PANX3: variants seen among roughly 807,000 people sequenced by gnomAD.
PANX3 encodes pannexin-3.
PANX3 carries 18 observed loss-of-function variants against 31.5 expected under a neutral mutation model. That is an observed-to-expected ratio of 0.57 (90% CI 0.39 to 0.85). PANX3 has a LOEUF of 0.85. Ranked by LOEUF, PANX3 falls within the 40% of genes least tolerant of loss-of-function variation. The pLI, the probability that PANX3 is intolerant of heterozygous loss-of-function variation, is 0.00. For synonymous variants in PANX3, 194 were observed against 201.6 expected, an observed-to-expected ratio of 0.96 and a Z score of 0.32; for missense variants, 426 against 485.4, an observed-to-expected ratio of 0.88 and a Z score of 1.15.
chr11:124,613,200 C>A, intron 2 of PANX3, 78 bp downstream of exon 2: 1 of 1,514,528 alleles, frequency 6.6e-7, no homozygotes, highest in South Asian at 1.2e-5. Flanking sequence ...CTCCCTCTTG[C>A]CTCTATCCCC....
chr11:124,619,219 A>G, intron 3 of PANX3, 77 bp from the exon 4 acceptor site: 1 of 1,422,088 alleles, frequency 7.0e-7, no homozygotes, highest in South Asian at 1.4e-5. Context: ...CAGATCTGTT[A>G]CTTTGTCACA....
At chr11:124,619,237 CTT>C in intron 3 of PANX3, 57 bp from the exon 4 acceptor site, 1 of 1,510,700 alleles carries the variant, frequency 6.6e-7, no homozygotes. Flanking sequence ...ACATGCCTCT[CTT>C]AGAGTATGGT....
rs1035331489 is a variant in PANX3 at position 124,616,364 on chromosome 11, CT to C, written c.325-901del. On this transcript the variant is annotated intron_variant, in intron 2 of 3. Coordinates refer to ENST00000284288, the MANE Select transcript of PANX3 (RefSeq NM_052959.3). The surrounding 1 kb of genome is among the most constrained non-coding windows in gnomAD (Gnocchi z 4.8). ...TATGCATTTCTGCTTCTTTACCTGG[CT>C]TTTTTTTTAAAAAAGAAAAAAAAGA... is the stretch of plus-strand genomic sequence containing the variant. Among the ~76,000 whole-genome samples, 4 of 151,282 alleles carry C rather than the reference CT, an allele frequency of 2.6e-5. No homozygotes were observed. Among genetic ancestry groups the C allele is most frequent in the Non-Finnish European group, 4.4e-5 (3 of 67,790 alleles).
chr11:124,616,960 C>CCT lies in PANX3; in HGVS notation c.325-300_325-299dup, dbSNP rs914637054. ...CCCTTCCCCTCTCCTTCCCACCTCT[C>CCT]CTCTCTCTCTCTCTCCTTATTCTCT... On this transcript the variant is annotated intron_variant, in intron 2 of 3. Transcript: ENST00000284288. The surrounding 1 kb of genome is among the most constrained non-coding windows in gnomAD (Gnocchi z 4.8). Among the ~76,000 whole-genome samples the CCT allele has an allele frequency of 1.5e-4, 22 of 150,036 alleles. No homozygotes were observed. In the South Asian group the frequency reaches 4.1e-3, roughly 28 times the overall value.
At chr11:124,617,606 A>G in intron 3 of PANX3, 118 bp downstream of exon 3, 1 of 934,638 alleles carries the variant, frequency 1.1e-6, no homozygotes, top group East Asian at 2.4e-5. Flanking sequence ...CAAAGTGCTT[A>G]ACACATCATC....
Position 124,616,905 on chromosome 11 carries a change from A to C in PANX3, c.325-369A>C, listed in dbSNP as rs370102696. Among the ~76,000 whole-genome samples the C allele has an allele frequency of 3.3e-4, 49 of 150,132 alleles. No homozygotes were observed. The highest frequency in any genetic ancestry group is 3.4e-3 in the Middle Eastern group (1 of 290). On this transcript the variant is annotated intron_variant, in intron 2 of 3. Coordinates refer to ENST00000284288, the MANE Select transcript of PANX3 (RefSeq NM_052959.3). This position sits in a 1 kb window ranked among gnomAD's most constrained non-coding sequence, Gnocchi z 4.8. ...TCTCTCCTTTTCTCTCTCTCTCTCT[A>C]TATATCCCTCTCCTGTCCTCCCCTC...
chr11:124,619,187 A>T, intron 3 of PANX3, 109 bp from the exon 4 acceptor site: 1 of 1,200,810 alleles, frequency 8.3e-7, no homozygotes, highest in East Asian at 2.3e-5. Flanking sequence ...TTTCATGGGA[A>T]CCAAGAATGC....
chr11:124,617,517 G>T (rs764691090), intron 3 of PANX3, 29 bp downstream of exon 3: 1 of 1,600,458 alleles, frequency 6.2e-7, no homozygotes, highest in East Asian at 2.2e-5. Context: ...CTTTTTCTGA[G>T]AAATTCAGTC....
intron 3 of PANX3, among the ~76,000 whole-genome samples, chr11:124,618,231 G>A (rs926498346): frequency 6.6e-6 from 1 of 152,130 alleles, no homozygotes; most frequent in African/African-American, 2.4e-5. Context: ...GGAGACAATT[G>A]CGCTAACATT....
At position 124,620,087 on chromosome 11, in the gene PANX3, C is replaced by T; in HGVS notation, c.*152C>T. 1.2e-6 allele frequency: 1 copy of T among 861,242 alleles called. No homozygotes were observed. The highest frequency in any genetic ancestry group is 1.7e-6 in the Non-Finnish European group (1 of 582,394). The allele number at this position is 861,242 out of a possible 1,614,324, so 53.4% of individuals were successfully genotyped here. ...ATCATATATCTTTTATCATGTTATC[C>T]TAAAAGTGAGAAGACATAACCAAGA... On this transcript the variant is annotated 3_prime_UTR_variant, in exon 4 of 4. Transcript: ENST00000284288.
chr11:124,614,034 C>T (rs1415146881), intron 2 of PANX3, among the ~76,000 whole-genome samples: 2 of 152,042 alleles, frequency 1.3e-5, no homozygotes, highest in East Asian at 1.9e-4. Context: ...AGAAGACACT[C>T]GTAGCATTTT....
At position 124,616,889 on chromosome 11, in the gene PANX3, T is replaced by TTC. The variant is rs199964425; in HGVS notation, c.325-371_325-370dup. 1.6e-3 allele frequency among the ~76,000 whole-genome samples: 243 copies of TTC among 150,758 alleles called. No homozygotes were observed. Among genetic ancestry groups the TTC allele is most frequent in the African/African-American group, 5.6e-3 (231 of 41,100 alleles). On this transcript the variant is annotated intron_variant, in intron 2 of 3. Transcript: ENST00000284288. The surrounding 1 kb of genome is among the most constrained non-coding windows in gnomAD (Gnocchi z 4.8). ...TAGGCAGATGGCTCTCTCTCTCCTT[T>TTC]TCTCTCTCTCTCTCTATATATCCCT...
chr11:124,620,198 A>G lies in PANX3; in HGVS notation c.*263A>G, dbSNP rs1054032467. On this transcript the variant is annotated 3_prime_UTR_variant, in exon 4 of 4. Transcript: ENST00000284288. ...AACATTCTATGAGGATAGTATAAAT[A>G]AAAAGAAATACAGTCTAGACATGCT... 6.6e-5 allele frequency: 27 copies of G among 408,440 alleles called. No homozygotes were observed. The highest frequency in any genetic ancestry group is 3.5e-4 in the African/African-American group (17 of 48,744). The allele number at this position is 408,440 out of a possible 1,614,324, so 25.3% of individuals were successfully genotyped here.
chr11:124,616,004 A>G lies in PANX3; in HGVS notation c.325-1270A>G, dbSNP rs1863149935. On this transcript the variant is annotated intron_variant, in intron 2 of 3. Transcript: ENST00000284288. This position sits in a 1 kb window ranked among gnomAD's most constrained non-coding sequence, Gnocchi z 4.8. ...ACTCCAGCCTGGGCAAGAGAGCGAG[A>G]CTCAATCTCAATAAATAAATAAATA... 6.6e-6 allele frequency among the ~76,000 whole-genome samples: 1 copy of G among 152,086 alleles called. No individual in the cohort carries two copies.
At position 124,611,623 on chromosome 11, in the gene PANX3, C is replaced by T; in HGVS notation, c.67C>T (p.Pro23Ser). The T allele has an allele frequency of 6.2e-7, 1 of 1,614,168 alleles. No individual in the cohort carries two copies. Among genetic ancestry groups the T allele is most frequent in the Non-Finnish European group, 8.5e-7 (1 of 1,180,012 alleles). ...TGCCCTGCTGCCTGACCGCAGGGGA[C>T]CCCGCCTCAAAGGACTGCGTCTGGA... ...SDALLPDRRG[P>S]RLKGLRLELP... The change falls in exon 1 of 4, where the codon CCC (proline) becomes TCC (serine). Residue 23 changes from proline (P) to serine (S), a missense_variant. Transcript: ENST00000284288.
At position 124,619,405 on chromosome 11, in the gene PANX3, C is replaced by A. The variant is rs373409055; in HGVS notation, c.649C>A (p.Leu217Ile). ...CTACCTCCTGAGGAACTCCCTCTTG[C>A]TCATCTTCACCTCCGCCACTTACCT... ...ATYLLRNSLLLIFTSATYLYL... is the reference protein window; with the variant it reads ...ATYLLRNSLLIIFTSATYLYL... The change falls in exon 4 of 4, where the codon CTC (leucine) becomes ATC (isoleucine). Residue 217 changes from leucine (L) to isoleucine (I), a missense_variant. By Grantham distance (5) the Leu-to-Ile change is conservative. Coordinates refer to ENST00000284288, the MANE Select transcript of PANX3 (RefSeq NM_052959.3). 1.2e-6 allele frequency: 2 copies of A among 1,614,196 alleles called. No homozygotes were observed. The highest frequency in any genetic ancestry group is 2.2e-5 in the South Asian group (2 of 91,086).
At position 124,619,512 on chromosome 11, in the gene PANX3, G is replaced by A. The variant is rs755179134; in HGVS notation, c.756G>A (p.Glu252=). 5.0e-6 allele frequency: 8 copies of A among 1,614,074 alleles called. No individual in the cohort carries two copies. The highest frequency in any genetic ancestry group is 4.2e-6 in the Non-Finnish European group (5 of 1,180,044). The change falls in exon 4 of 4, where the codon GAG becomes GAA. Residue 252 remains glutamate, a synonymous_variant. Coordinates refer to ENST00000284288, the MANE Select transcript of PANX3 (RefSeq NM_052959.3). ...TCAAGACAGGGCTGCTAAGTGATGA[G>A]ACCCATGTCCCCAATCTGATCACAT... The part of the protein sequence containing the change: ...CSIKTGLLSD[E]THVPNLITCR...
At position 124,616,455 on chromosome 11, in the gene PANX3, T is replaced by C. The variant is rs1277203370; in HGVS notation, c.325-819T>C. Among the ~76,000 whole-genome samples, 2 of 152,192 alleles carry C rather than the reference T, an allele frequency of 1.3e-5. No individual in the cohort carries two copies. Among genetic ancestry groups the C allele is most frequent in the Non-Finnish European group, 2.9e-5 (2 of 68,020 alleles). ...TATGACCTCATTTTGAATTAACTAG[T>C]TGCATCCACAACAACCCCATTTCCA... On this transcript the variant is annotated intron_variant, in intron 2 of 3. Transcript: ENST00000284288. The surrounding 1 kb of genome is among the most constrained non-coding windows in gnomAD (Gnocchi z 4.8).
Position 124,619,340 on chromosome 11 carries a change from A to G in PANX3, c.584A>G (p.Tyr195Cys). The G allele has an allele frequency of 6.2e-7, 1 of 1,614,116 alleles. No homozygotes were observed. Among genetic ancestry groups the G allele is most frequent in the Non-Finnish European group, 8.5e-7 (1 of 1,180,020 alleles). Residue 195 changes from tyrosine to cysteine, a missense_variant, in exon 4 of 4, where the codon TAC becomes TGC. By Grantham distance (194) the Tyr-to-Cys change is radical (BLOSUM62 -2). Coordinates refer to ENST00000284288, the MANE Select transcript of PANX3 (RefSeq NM_052959.3). ...TTTGAATTCCCTTTGCTAGAGCGGT[A>G]CCTGGCATGTAAGCAGCGTTCACAT... is the stretch of plus-strand genomic sequence containing the variant. Reference protein sequence around the residue: ...RYFEFPLLERYLACKQRSHSL... With the variant: ...RYFEFPLLERCLACKQRSHSL...
Sources: allele counts gnomAD v4.1 joint callset (sites outside exome capture counted in the v4.1 genomes callset), GRCh38; gene constraint gnomAD v4.1.1; non-coding constraint Gnocchi (gnomAD v3.1); transcripts MANE v1.5; gene names NCBI Gene and HGNC (gene_info 2026-07-23, HGNC 2026-07-21).